Variants in WDR20 observed in about 807,000 individuals in gnomAD.
WDR20 encodes the protein WD repeat-containing protein 20.
A neutral mutation model predicts 38.7 loss-of-function variants in WDR20; 3 were observed. The observed-to-expected ratio is 0.08, with a 90% confidence interval of 0.04 to 0.20. The LOEUF is 0.20. Among genes scored for constraint, WDR20 ranks in the 10% least tolerant of loss-of-function variants. The pLI is 1.00. For missense variants in WDR20, 559 were observed against 727.7 expected (o/e 0.77, Z 2.67); for synonymous variants, 298 against 285.6 (o/e 1.04, Z -0.44).
chr14:102,142,938 G>A (rs1203930015), intron 1 of WDR20, among the ~76,000 whole-genome samples: 1 of 151,966 alleles, frequency 6.6e-6, no homozygotes, highest in Non-Finnish European at 1.5e-5. Flanking sequence ...CATTAATTAC[G>A]TGCTACCATT....
chr14:102,202,442 C>G (rs2060610221), intron 2 of WDR20, among the ~76,000 whole-genome samples: 1 of 124,844 alleles, frequency 8.0e-6, no homozygotes, highest in Non-Finnish European at 1.6e-5. Context: ...TGCAGTGGTG[C>G]GATCTCGGCT....
At chr14:102,170,329 A>G (rs1385427401) in intron 1 of WDR20, among the ~76,000 whole-genome samples, 1 of 152,186 alleles carries the variant, frequency 6.6e-6, no homozygotes, top group African/African-American at 2.4e-5. Flanking sequence ...TTGCTAGTAT[A>G]TCTGAGGAAT....
intron 1 of WDR20, among the ~76,000 whole-genome samples, chr14:102,153,755 C>G (rs2056705004): frequency 6.6e-6 from 1 of 152,194 alleles, no homozygotes; most frequent in South Asian, 2.1e-4. Context: ...TAGGAATGCT[C>G]ACCTCCCTTA....
intron 2 of WDR20, among the ~76,000 whole-genome samples, chr14:102,199,271 T>C (rs1221362023): frequency 6.6e-6 from 1 of 151,474 alleles, no homozygotes; most frequent in Non-Finnish European, 1.5e-5. Context: ...CCTGAGAGGT[T>C]TGTGATGAGG....
At chr14:102,196,297 G>A (rs2152952605) in intron 2 of WDR20, among the ~76,000 whole-genome samples, 1 of 151,978 alleles carries the variant, frequency 6.6e-6, no homozygotes, top group East Asian at 1.9e-4. Flanking sequence ...AGATTGTAGA[G>A]GAAAAGTATT....
chr14:102,144,702 T>C (rs1050212518), intron 1 of WDR20, among the ~76,000 whole-genome samples: 1 of 147,880 alleles, frequency 6.8e-6, no homozygotes, highest in Non-Finnish European at 1.5e-5. Flanking sequence ...TTTTTTTGTT[T>C]TGTTTTTTTT....
At position 102,144,842 on chromosome 14, in the gene WDR20, G is replaced by A. The variant is rs151230808; in HGVS notation, c.249+4670G>A. Among the ~76,000 whole-genome samples, 690 of 152,198 alleles carry A rather than the reference G, an allele frequency of 4.5e-3. 6 individuals are homozygous for A. Among genetic ancestry groups the A allele is most frequent in the African/African-American group, 0.015 (640 of 41,542 alleles). On this transcript the variant is annotated intron_variant, in intron 1 of 2. Coordinates refer to ENST00000342702, the MANE Select transcript of WDR20 (RefSeq NM_144574.4). Reference sequence around the variant, plus strand: ...CTACTCCCGAGTAGCTGGGATTACAGGCATGTGCCACCATGCCCAGCTCAT... The same window carrying A: ...CTACTCCCGAGTAGCTGGGATTACAAGCATGTGCCACCATGCCCAGCTCAT...
Position 102,153,257 on chromosome 14 carries a change from A to G in WDR20, c.249+13085A>G, listed in dbSNP as rs139078305. ...CACTAGAAGCTGAGTAGATGGCAGC[A>G]CTATGCTTCCTGTAGAGGTTGCAGA... On this transcript the variant is annotated intron_variant, in intron 1 of 2. Transcript: ENST00000342702. Among the ~76,000 whole-genome samples, 214 of 151,048 alleles carry G rather than the reference A, an allele frequency of 1.4e-3. 2 individuals carry two copies. The highest frequency in any genetic ancestry group is 4.9e-3 in the African/African-American group (203 of 41,122).
At chr14:102,151,902 C>G (rs1024294523) in intron 1 of WDR20, among the ~76,000 whole-genome samples, 7 of 151,394 alleles carry the variant, frequency 4.6e-5, no homozygotes, top group Admixed American at 4.6e-4. Context: ...ACCACCCACA[C>G]CCACCTGGCT....
intron 1 of WDR20, among the ~76,000 whole-genome samples, chr14:102,187,562 G>A (rs1447406617): frequency 1.3e-5 from 2 of 152,264 alleles, no homozygotes; most frequent in Middle Eastern, 3.4e-3. Flanking sequence ...GTGGAGGGGC[G>A]GGGGTGATAA....
At chr14:102,142,054 A>G (rs1328839381) in intron 1 of WDR20, among the ~76,000 whole-genome samples, 1 of 152,178 alleles carries the variant, frequency 6.6e-6, no homozygotes, top group Non-Finnish European at 1.5e-5. Context: ...TTTTAGTGGG[A>G]CGCTATTCCC....
chr14:102,219,904 A>C (rs930110842), downstream of WDR20, among the ~76,000 whole-genome samples: 3 of 152,236 alleles, frequency 2.0e-5, no homozygotes, highest in Non-Finnish European at 4.4e-5. Flanking sequence ...AGCTGGGCCC[A>C]GTGGAGAGTG....
rs2062246400 is a variant in WDR20 at position 102,210,060 on chromosome 14, G to A, written c.*180G>A. The A allele has an allele frequency of 7.2e-7, 1 of 1,382,740 alleles. No individual in the cohort carries two copies. The highest frequency in any genetic ancestry group is 2.7e-5 in the East Asian group (1 of 37,620). 85.7% of individuals were successfully genotyped at this position (1,382,740 alleles called of 1,614,324 possible). ...CTGAATCATTTGATAATTTACCTTA[G>A]AGCATTTAAAAAAATATAATCAAAC... On this transcript the variant is annotated 3_prime_UTR_variant, in exon 3 of 3. Transcript: ENST00000342702.
chr14:102,150,141 T>C (rs1052317768), intron 1 of WDR20, among the ~76,000 whole-genome samples: 3 of 152,178 alleles, frequency 2.0e-5, no homozygotes, highest in Non-Finnish European at 2.9e-5. Context: ...GCAAGAATCA[T>C]TCATGAGGAA....
intron 1 of WDR20, among the ~76,000 whole-genome samples, chr14:102,154,809 T>C (rs1212549314): frequency 2.0e-5 from 3 of 152,228 alleles, no homozygotes; most frequent in Non-Finnish European, 4.4e-5. Context: ...AACTTCACAG[T>C]CTATAAAGCA....
downstream of WDR20, among the ~76,000 whole-genome samples, chr14:102,218,916 C>T (rs374105300): frequency 6.6e-6 from 1 of 152,254 alleles, no homozygotes; most frequent in South Asian, 2.1e-4. Flanking sequence ...GGGCGGGCTC[C>T]CCTTGCCAGG....
chr14:102,152,885 C>T (rs1566817707), intron 1 of WDR20, among the ~76,000 whole-genome samples: 2 of 152,168 alleles, frequency 1.3e-5, no homozygotes, highest in African/African-American at 4.8e-5. Context: ...ACCCTAGAAC[C>T]AGAGTGCTTA....
Position 102,176,051 on chromosome 14 carries a change from T to C in WDR20, c.250-18887T>C, listed in dbSNP as rs572215928. Among the ~76,000 whole-genome samples the C allele has an allele frequency of 5.4e-4, 82 of 152,312 alleles. 1 individual carries two copies. In the South Asian group the frequency reaches 0.016, roughly 29 times the overall value. ...TGATTTGGATGCCCTTTATTTCTTT[T>C]CTCTTGTCTGATTGCTCTAGCTAGG... On this transcript the variant is annotated intron_variant, in intron 1 of 2. Coordinates refer to ENST00000342702, the MANE Select transcript of WDR20 (RefSeq NM_144574.4).
At chr14:102,215,286 G>A (rs923135505), downstream of WDR20, among the ~76,000 whole-genome samples, 13 of 152,170 alleles carry the variant, frequency 8.5e-5, no homozygotes, top group Non-Finnish European at 1.5e-4. Flanking sequence ...CGGCTGAGCT[G>A]TGTAGAGGCT....
Sources: gnomAD v4.1 joint callset for allele counts (sites outside exome capture counted in the v4.1 genomes callset) on GRCh38, gnomAD v4.1.1 for gene constraint, MANE v1.5 for transcripts, NCBI Gene and HGNC (gene_info 2026-07-23, HGNC 2026-07-21) for gene names.